Variants in PDE4B observed in about 807,000 individuals in gnomAD.
PDE4B encodes phosphodiesterase 4B.
PDE4B carries 20 observed loss-of-function variants against 82.2 expected under a neutral mutation model. The observed-to-expected ratio is 0.24, with a 90% CI of 0.17 to 0.35. The LOEUF (loss-of-function observed/expected upper bound fraction) is 0.35, where lower values mean the gene tolerates loss of function less well. Ranked by LOEUF, PDE4B falls within the 10% of genes least tolerant of loss-of-function variation. The pLI, the probability that PDE4B is intolerant of heterozygous loss-of-function variation, is 1.00. For missense variants in PDE4B, 655 were observed against 907.2 expected (o/e 0.72, Z 3.57); for synonymous variants, 320 against 318.9 (o/e 1.00, Z -0.04).
At chr1:66,369,198 G>A (rs533459602) in intron 16 of PDE4B, among the ~76,000 whole-genome samples, 24 of 152,172 alleles carry the variant, frequency 1.6e-4, no homozygotes, top group Non-Finnish European at 2.9e-4. Context: ...TGGACTATGT[G>A]TCCCTAAATC....
intron 2 of PDE4B, among the ~76,000 whole-genome samples, chr1:65,914,603 T>TAA (rs56913869): frequency 7.9e-5 from 11 of 139,828 alleles, no homozygotes; most frequent in African/African-American, 2.6e-4. Context: ...CTTTTTTTCT[T>TAA]AAAAAAAAAA....
At chr1:65,959,212 C>G (rs751649974) in intron 3 of PDE4B, among the ~76,000 whole-genome samples, 1 of 152,156 alleles carries the variant, frequency 6.6e-6, no homozygotes, top group African/African-American at 2.4e-5. Flanking sequence ...GAAAACAATA[C>G]TCTCTGATTA....
intron 1 of PDE4B, among the ~76,000 whole-genome samples, chr1:65,874,639 C>G (rs1463220131): frequency 1.3e-5 from 2 of 151,944 alleles, no homozygotes; most frequent in African/African-American, 4.8e-5. Flanking sequence ...AGAAATAACG[C>G]CGCATACCTA....
At position 65,915,232 on chromosome 1, in the gene PDE4B, A is replaced by T. The variant is rs140010200; in HGVS notation, c.42+1876A>T. ...GAAGGGAAAATAGTAAGAGCGATAA[A>T]AATTATTCCAACAAACTACTCTTGT... On this transcript the variant is annotated intron_variant, in intron 2 of 16. Coordinates refer to ENST00000341517, the MANE Select transcript of PDE4B (RefSeq NM_002600.4). Among the ~76,000 whole-genome samples the T allele has an allele frequency of 6.9e-3, 1,047 of 152,290 alleles. 14 individuals are homozygous for T. Among genetic ancestry groups the T allele is most frequent in the African/African-American group, 0.023 (954 of 41,570 alleles).
At chr1:66,187,046 T>C (rs1647252101) in intron 3 of PDE4B, among the ~76,000 whole-genome samples, 1 of 152,082 alleles carries the variant, frequency 6.6e-6, no homozygotes, top group Non-Finnish European at 1.5e-5. Context: ...AGTATGAAGG[T>C]TGTTGAATTT....
chr1:66,169,415 T>C (rs2101325525), intron 3 of PDE4B, among the ~76,000 whole-genome samples: 1 of 152,360 alleles, frequency 6.6e-6, no homozygotes, highest in South Asian at 2.1e-4. Flanking sequence ...CCAGTCACAC[T>C]GTTATTTCTT....
intron 3 of PDE4B, chr1:66,042,413 A>C (rs181191719): frequency 6.6e-6 from 1 of 151,834 alleles, no homozygotes; most frequent in Non-Finnish European, 1.5e-5. Context: ...ATACTGATTT[A>C]TTGCTTATGT....
Position 65,912,423 on chromosome 1 carries a change from G to A in PDE4B, c.-70-822G>A, listed in dbSNP as rs368561734. On this transcript the variant is annotated intron_variant, in intron 1 of 16. Coordinates refer to ENST00000341517, the MANE Select transcript of PDE4B (RefSeq NM_002600.4). ...CTTCCCTTTGAGTCTTCATAAACCA[G>A]TAACTGCTTTGCCTTTGGTTTCCAC... Among the ~76,000 whole-genome samples the A allele has an allele frequency of 3.9e-5, 6 of 152,160 alleles. No homozygotes were observed. The East Asian group carries it at 7.7e-4, about 20-fold the overall frequency.
intron 3 of PDE4B, among the ~76,000 whole-genome samples, chr1:66,040,415 G>A (rs933017604): frequency 6.6e-6 from 1 of 152,008 alleles, no homozygotes; most frequent in Non-Finnish European, 1.5e-5. Context: ...CACTCCCAAA[G>A]AGAAAGGCTG....
chr1:65,874,791 C>T (rs1646619015), intron 1 of PDE4B, among the ~76,000 whole-genome samples: 1 of 151,268 alleles, frequency 6.6e-6, no homozygotes, highest in Non-Finnish European at 1.5e-5. Flanking sequence ...ATACAAAAAT[C>T]AATTCAAGAT....
chr1:66,262,175 T>C (rs1046517724), intron 6 of PDE4B, among the ~76,000 whole-genome samples: 1 of 152,258 alleles, frequency 6.6e-6, no homozygotes, highest in Non-Finnish European at 1.5e-5. Flanking sequence ...TTGCTGTATG[T>C]ACTTTGGCAT....
intron 3 of PDE4B, among the ~76,000 whole-genome samples, chr1:66,089,842 A>G (rs961417556): frequency 6.6e-6 from 1 of 152,168 alleles, no homozygotes; most frequent in East Asian, 1.9e-4. Context: ...TTCTGTCATT[A>G]TGCTATTATA....
intron 7 of PDE4B, among the ~76,000 whole-genome samples, chr1:66,317,475 C>T (rs915978025): frequency 2.0e-5 from 3 of 152,184 alleles, no homozygotes; most frequent in Admixed American, 1.3e-4. Context: ...TGTCAGGCCC[C>T]ACATTTTGGT....
At chr1:66,343,912 T>C (rs1661205620) in intron 8 of PDE4B, among the ~76,000 whole-genome samples, 1 of 152,148 alleles carries the variant, frequency 6.6e-6, no homozygotes, top group Non-Finnish European at 1.5e-5. Flanking sequence ...TTTTAGACTA[T>C]CCAGTGGCAA....
chr1:66,056,178 G>A (rs1655281577), intron 3 of PDE4B, among the ~76,000 whole-genome samples: 1 of 152,162 alleles, frequency 6.6e-6, no homozygotes, highest in Non-Finnish European at 1.5e-5. Context: ...AAATAGCTGG[G>A]AAAAATAGAT....
intron 3 of PDE4B, among the ~76,000 whole-genome samples, chr1:66,096,828 C>T (rs1446378355): frequency 6.6e-6 from 1 of 151,648 alleles, no homozygotes; most frequent in East Asian, 1.9e-4. Context: ...CACTGATATT[C>T]CCTCTGTCAC....
chr1:65,809,953 A>G (rs1278119546), intron 1 of PDE4B, among the ~76,000 whole-genome samples: 2 of 152,248 alleles, frequency 1.3e-5, no homozygotes, highest in African/African-American at 2.4e-5. Flanking sequence ...TGCTCTTAAA[A>G]TGCAGTTAAA....
At chr1:66,167,012 C>T (rs936844194) in intron 3 of PDE4B, among the ~76,000 whole-genome samples, 5 of 152,226 alleles carry the variant, frequency 3.3e-5, no homozygotes, top group Non-Finnish European at 7.3e-5. Context: ...TATTGCTTCA[C>T]ACCCACTAGG....
intron 3 of PDE4B, among the ~76,000 whole-genome samples, chr1:65,972,631 G>A (rs1183783569): frequency 6.6e-6 from 1 of 152,056 alleles, no homozygotes; most frequent in Non-Finnish European, 1.5e-5. Flanking sequence ...TCAATCTGAA[G>A]GTGTATGCTG....
Sources: allele counts gnomAD v4.1 joint callset (sites outside exome capture counted in the v4.1 genomes callset), GRCh38; gene constraint gnomAD v4.1.1; transcripts MANE v1.5; gene names NCBI Gene and HGNC (gene_info 2026-07-23, HGNC 2026-07-21).